The following GRIK4 variants were observed in gnomAD, a reference collection of about 807,000 sequenced individuals.
GRIK4 encodes glutamate ionotropic receptor kainate type subunit 4.
GRIK4 carries 40 observed loss-of-function variants against 104.9 expected under a neutral mutation model. The observed-to-expected ratio is 0.38, with a 90% CI of 0.30 to 0.50. The LOEUF is 0.50. Among genes scored for constraint, GRIK4 ranks in the 20% least tolerant of loss-of-function variants. The pLI, the probability that GRIK4 is intolerant of heterozygous loss-of-function variation, is 0.93. For missense variants in GRIK4, 1,047 were observed against 1,308.1 expected, an observed-to-expected ratio of 0.80 and a Z score of 3.08; for synonymous variants, 485 against 524.9, an observed-to-expected ratio of 0.92 and a Z score of 1.04.
chr11:120,750,321 TAAAAAAGGGATCTACAA>T (rs1180993948), intron 3 of GRIK4, among the ~76,000 whole-genome samples: 19 of 148,904 alleles, frequency 1.3e-4, no homozygotes, highest in Admixed American at 1.0e-3. Flanking sequence ...GCCCTGGTTA[TAAAAAAGGGATCTACAA>T]ACTAGAAATC....
At chr11:120,738,108 G>A (rs888484323) in intron 3 of GRIK4, among the ~76,000 whole-genome samples, 2 of 152,140 alleles carry the variant, frequency 1.3e-5, no homozygotes, top group African/African-American at 4.8e-5. Flanking sequence ...GAGCCGCCAC[G>A]GAGGCAAGAA....
chr11:120,521,551 G>C (rs1334365729), intron 1 of GRIK4, among the ~76,000 whole-genome samples: 2 of 152,176 alleles, frequency 1.3e-5, no homozygotes, highest in African/African-American at 4.8e-5. Flanking sequence ...ATAGTTATTT[G>C]ATTGGAAAGT....
chr11:120,646,544 G>C (rs1949545240), intron 1 of GRIK4, among the ~76,000 whole-genome samples: 1 of 152,252 alleles, frequency 6.6e-6, no homozygotes. Flanking sequence ...ATATTAAGAT[G>C]AGTCACTGAG....
chr11:120,658,484 C>T (rs1218927966), intron 2 of GRIK4, among the ~76,000 whole-genome samples: 1 of 152,162 alleles, frequency 6.6e-6, no homozygotes, highest in African/African-American at 2.4e-5. Flanking sequence ...GTTTACACAC[C>T]TACTACCACT....
chr11:120,551,972 C>T (rs944511951), intron 1 of GRIK4, among the ~76,000 whole-genome samples: 4 of 152,154 alleles, frequency 2.6e-5, no homozygotes, highest in Non-Finnish European at 5.9e-5. Context: ...CATACCTCAC[C>T]CTACGTATCT....
intron 1 of GRIK4, among the ~76,000 whole-genome samples, chr11:120,625,338 G>A (rs1949244542): frequency 6.6e-6 from 1 of 152,136 alleles, no homozygotes; most frequent in African/African-American, 2.4e-5. Flanking sequence ...TCAGAGCAAA[G>A]GCAGCGGGGA....
intron 1 of GRIK4, among the ~76,000 whole-genome samples, chr11:120,537,850 TAAA>T (rs36018905): frequency 7.1e-6 from 1 of 141,702 alleles, no homozygotes; most frequent in African/African-American, 2.6e-5. Context: ...TGTTTGTTCT[TAAA>T]AAAAAAAAAA....
intron 3 of GRIK4, among the ~76,000 whole-genome samples, chr11:120,711,299 G>C (rs1018235980): frequency 1.3e-5 from 2 of 152,166 alleles, no homozygotes; most frequent in Non-Finnish European, 2.9e-5. Context: ...TTAAACCTTG[G>C]GTCTTAACTT....
intron 1 of GRIK4, among the ~76,000 whole-genome samples, chr11:120,602,742 G>C (rs1043219053): frequency 6.6e-6 from 1 of 152,090 alleles, no homozygotes; most frequent in Non-Finnish European, 1.5e-5. Flanking sequence ...TCGCTCTGTC[G>C]TCCAGGCTGG....
intron 3 of GRIK4, among the ~76,000 whole-genome samples, chr11:120,779,234 G>C (rs548370045): frequency 6.6e-6 from 1 of 152,210 alleles, no homozygotes; most frequent in Non-Finnish European, 1.5e-5. Flanking sequence ...CAGGCCTTCT[G>C]TGAGCCAGGG....
chr11:120,776,058 T>C (rs1952035155), intron 3 of GRIK4, among the ~76,000 whole-genome samples: 1 of 152,176 alleles, frequency 6.6e-6, no homozygotes, highest in South Asian at 2.1e-4. Flanking sequence ...CTTAAAAGTG[T>C]TAATAACACT....
At chr11:120,684,500 C>G (rs182939197) in intron 3 of GRIK4, among the ~76,000 whole-genome samples, 1 of 152,256 alleles carries the variant, frequency 6.6e-6, no homozygotes, top group Non-Finnish European at 1.5e-5. Flanking sequence ...GGAGACAATA[C>G]GAACACACAT....
intron 13 of GRIK4, among the ~76,000 whole-genome samples, chr11:120,921,884 C>T (rs1361659113): frequency 1.3e-5 from 2 of 152,140 alleles, no homozygotes; most frequent in African/African-American, 2.4e-5. Flanking sequence ...CCCCTAACAC[C>T]CACACATCTA....
At chr11:120,687,856 C>T (rs1950299474) in intron 3 of GRIK4, among the ~76,000 whole-genome samples, 1 of 152,166 alleles carries the variant, frequency 6.6e-6, no homozygotes, top group South Asian at 2.1e-4. Flanking sequence ...TCTAGTCTTG[C>T]TGTTCAGTGC....
At chr11:120,958,286 C>G (rs1228726613) in intron 16 of GRIK4, among the ~76,000 whole-genome samples, 1 of 152,274 alleles carries the variant, frequency 6.6e-6, no homozygotes, top group Non-Finnish European at 1.5e-5. Flanking sequence ...TTGCCCTGCC[C>G]TGAGGGGAGG....
intron 4 of GRIK4, among the ~76,000 whole-genome samples, chr11:120,803,846 C>T (rs1160956270): frequency 3.3e-5 from 5 of 152,220 alleles, no homozygotes; most frequent in Non-Finnish European, 7.3e-5. Context: ...CCCTACTATG[C>T]GCTGGGTACT....
chr11:120,651,854 GACC>G (rs1949623458), intron 1 of GRIK4, among the ~76,000 whole-genome samples: 1 of 152,214 alleles, frequency 6.6e-6, no homozygotes, highest in Non-Finnish European at 1.5e-5. Context: ...ATGTGCAGGT[GACC>G]TGCTTGCATT....
chr11:120,642,094 C>G (rs551426004), intron 1 of GRIK4, among the ~76,000 whole-genome samples: 1 of 152,310 alleles, frequency 6.6e-6, no homozygotes, highest in South Asian at 2.1e-4. Context: ...TGTGTTTTTC[C>G]CAACACACAT....
At chr11:120,798,229 C>T (rs1367532977) in intron 3 of GRIK4, among the ~76,000 whole-genome samples, 1 of 123,378 alleles carries the variant, frequency 8.1e-6, no homozygotes, top group Non-Finnish European at 1.6e-5. Context: ...AGTGCAGTGG[C>T]ACAATCTCGG....
Sources: allele counts gnomAD v4.1 joint callset (sites outside exome capture counted in the v4.1 genomes callset), GRCh38; gene constraint gnomAD v4.1.1; transcripts MANE v1.5; gene names NCBI Gene and HGNC (gene_info 2026-07-23, HGNC 2026-07-21).